Variants in TMEM67 observed in about 807,000 individuals in gnomAD.
TMEM67 encodes the protein transmembrane protein 67, also known as meckelin.
TMEM67 carries 124 observed loss-of-function variants against 136.6 expected under a neutral mutation model. The ratio of observed to expected loss-of-function variants is 0.91; its 90% CI spans 0.78 to 1.05. The LOEUF is 1.05. Among genes scored for constraint, TMEM67 ranks in the 50% least tolerant of loss-of-function variants. TMEM67 has a pLI of 0.00. For missense variants in TMEM67, 1,107 were observed against 1,178.4 expected, an observed-to-expected ratio of 0.94 and a Z score of 0.89; for synonymous variants, 364 against 390.5, an observed-to-expected ratio of 0.93 and a Z score of 0.80.
Position 93,791,260 on chromosome 8 carries a change from C to T in TMEM67, c.1519-3C>T. 2 of 1,591,926 alleles carry T rather than the reference C, an allele frequency of 1.3e-6. No homozygotes were observed. Among genetic ancestry groups the T allele is most frequent in the Non-Finnish European group, 1.7e-6 (2 of 1,160,966 alleles). On this transcript the variant is annotated splice_region_variant and splice_polypyrimidine_tract_variant and intron_variant, in intron 14 of 27. Coordinates refer to ENST00000453321, the MANE Select transcript of TMEM67 (RefSeq NM_153704.6). ...AGCTAATTTGTTTTGTTTTAAATAT[C>T]AGGTTTCTTTCTCAGTCACATATGA... is the stretch of plus-strand genomic sequence containing the variant.
At chr8:93,802,782 A>C (rs576838195) in intron 21 of TMEM67, among the ~76,000 whole-genome samples, 42 of 152,366 alleles carry the variant, frequency 2.8e-4, no homozygotes, top group Middle Eastern at 3.4e-3. Context: ...AGTATGTAGG[A>C]AAACATTTTC....
chr8:93,766,778 C>T (rs907440168), intron 6 of TMEM67, among the ~76,000 whole-genome samples: 1 of 151,898 alleles, frequency 6.6e-6, no homozygotes, highest in African/African-American at 2.4e-5. Context: ...AATTCCTCTA[C>T]TCAGTATAGT....
the TMEM67 span, among the ~76,000 whole-genome samples, chr8:93,829,761 G>A: frequency 2.6e-5 from 4 of 151,718 alleles, no homozygotes; most frequent in Admixed American, 6.6e-5. Flanking sequence ...TTAATATATG[G>A]TGGATGAGCC....
At chr8:93,765,513 A>T (rs1346177900) in intron 5 of TMEM67, 38 bp downstream of exon 5, 12 of 1,601,514 alleles carry the variant, frequency 7.5e-6, no homozygotes, top group Non-Finnish European at 1.0e-5. Flanking sequence ...ATATATTTTT[A>T]ATTCAGTTGC....
chr8:93,765,298 G>A, intron 4 of TMEM67, 108 bp from the exon 5 acceptor site: 1 of 830,012 alleles, frequency 1.2e-6, no homozygotes, highest in Non-Finnish European at 2.0e-6. Flanking sequence ...TTACATAATT[G>A]CTTACTGAAT....
intron 4 of TMEM67, 67 bp from the exon 5 acceptor site, chr8:93,765,339 C>A: frequency 7.8e-7 from 1 of 1,283,322 alleles, no homozygotes; most frequent in Non-Finnish European, 1.1e-6. Context: ...TTTAGAAAGA[C>A]AGCTTTTCTA....
the TMEM67 span, among the ~76,000 whole-genome samples, chr8:93,829,194 C>G: frequency 6.6e-6 from 1 of 152,136 alleles, no homozygotes; most frequent in Non-Finnish European, 1.5e-5. Context: ...ACCTGTCGGT[C>G]GCACTTTCCA....
At chr8:93,787,217 C>T (rs1814150251) in intron 13 of TMEM67, among the ~76,000 whole-genome samples, 1 of 151,946 alleles carries the variant, frequency 6.6e-6, no homozygotes, top group Non-Finnish European at 1.5e-5. Context: ...AAATGAACCT[C>T]ACTTTGTGCC....
chr8:93,802,392 G>A (rs1226736284), intron 21 of TMEM67, among the ~76,000 whole-genome samples: 1 of 152,216 alleles, frequency 6.6e-6, no homozygotes, highest in Non-Finnish European at 1.5e-5. Context: ...CTGGGCAGCA[G>A]TATATCCTGC....
intron 7 of TMEM67, among the ~76,000 whole-genome samples, chr8:93,775,961 G>T (rs955169624): frequency 1.3e-5 from 2 of 152,134 alleles, no homozygotes; most frequent in African/African-American, 2.4e-5. Context: ...CCATTTTCAC[G>T]ATATTGATTC....
rs569784003 is a variant in TMEM67 at position 93,783,621 on chromosome 8, G to A, written c.1131+1161G>A. Among the ~76,000 whole-genome samples the A allele has an allele frequency of 5.9e-4, 90 of 152,154 alleles. 1 individual carries two copies. The highest frequency in any genetic ancestry group is 3.4e-3 in the Middle Eastern group (1 of 294). ...CATGCATGTATTAGTCCGTTCTCAC[G>A]CTGCTAATAAAAACACATCCGAGAC... On this transcript the variant is annotated intron_variant, in intron 11 of 27. Coordinates refer to ENST00000453321, the MANE Select transcript of TMEM67 (RefSeq NM_153704.6).
At chr8:93,766,244 G>A (rs1813077172) in intron 6 of TMEM67, among the ~76,000 whole-genome samples, 2 of 151,846 alleles carry the variant, frequency 1.3e-5, no homozygotes, top group South Asian at 2.1e-4. Flanking sequence ...CTGCCTCAGC[G>A]AGTAGCTGGG....
At chr8:93,772,559 T>A (rs745803341) in intron 6 of TMEM67, 30 bp from the exon 7 acceptor site, 1 of 1,578,706 alleles carries the variant, frequency 6.3e-7, no homozygotes, top group Non-Finnish European at 8.7e-7. Context: ...CATTTGAACT[T>A]AAAAATAAAA....
In TMEM67 at chr8:93,791,282, A is replaced by T. The variant is rs137853107; in HGVS notation, c.1538A>T (p.Tyr513Phe). The T allele has an allele frequency of 1.2e-6, 2 of 1,607,258 alleles. No individual in the cohort carries two copies. Among genetic ancestry groups the T allele is most frequent in the South Asian group, 2.2e-5 (2 of 90,784 alleles). The change falls in exon 15 of 28, where the codon TAT (tyrosine) becomes TTT (phenylalanine). Residue 513 changes from tyrosine to phenylalanine, a missense_variant. Around this residue, in one of 3 missense-constraint regions of TMEM67, gnomAD observed 925 missense variants for 1,002.4 expected, o/e 0.92. Coordinates refer to ENST00000453321, the MANE Select transcript of TMEM67 (RefSeq NM_153704.6). Reference sequence around the variant, plus strand: ...TATCAGGTTTCTTTCTCAGTCACATATGAAATGGATCATGGAGAAGCACAT... The same window carrying T: ...TATCAGGTTTCTTTCTCAGTCACATTTGAAATGGATCATGGAGAAGCACAT... ...QSVKVSFSVT[Y>F]EMDHGEAHVQ...
At chr8:93,813,457 G>A (rs889989549) in intron 26 of TMEM67, among the ~76,000 whole-genome samples, 1 of 152,214 alleles carries the variant, frequency 6.6e-6, no homozygotes, top group Non-Finnish European at 1.5e-5. Flanking sequence ...GGGATTACAG[G>A]TGTGAGCCAC....
rs964723956 is a variant in TMEM67 at position 93,809,285 on chromosome 8, C to T, written c.2661+124C>T. On this transcript the variant is annotated intron_variant, in intron 25 of 27. Transcript: ENST00000453321. The stretch of plus-strand genomic sequence containing the variant: ...AAACTTAGAACCCCCACCTTAAGAC[C>T]TTCCCTTTTTTTGTCTGTCACATTC... 7.2e-6 allele frequency: 5 copies of T among 695,154 alleles called. No individual in the cohort carries two copies. In the African/African-American group the frequency reaches 8.9e-5, roughly 12 times the overall value. The allele number at this position is 695,154 out of a possible 1,614,324, so 43.1% of individuals were successfully genotyped here.
At chr8:93,779,075 C>CTTT (rs1813689625) in intron 7 of TMEM67, among the ~76,000 whole-genome samples, 1 of 152,082 alleles carries the variant, frequency 6.6e-6, no homozygotes, top group African/African-American at 2.4e-5. Flanking sequence ...TTTTCTCTAA[C>CTTT]CTTGTCGTCT....
chr8:93,794,483 G>T (rs780487000), intron 16 of TMEM67, among the ~76,000 whole-genome samples: 1 of 152,150 alleles, frequency 6.6e-6, no homozygotes, highest in African/African-American at 2.4e-5. Context: ...CGTTTTACAC[G>T]TGATGAAATT....
chr8:93,800,705 G>C (rs1814834593), intron 21 of TMEM67, among the ~76,000 whole-genome samples: 1 of 152,162 alleles, frequency 6.6e-6, no homozygotes, highest in Non-Finnish European at 1.5e-5. Context: ...CCTGATTTCA[G>C]AGTTCACGTT....
Sources: gnomAD v4.1 joint callset for allele counts (sites outside exome capture counted in the v4.1 genomes callset) on GRCh38, gnomAD v4.1.1 for gene constraint, gnomAD v4.1.1 regional missense constraint, MANE v1.5 for transcripts, NCBI Gene and HGNC (gene_info 2026-07-23, HGNC 2026-07-21) for gene names.